The following FMN1 variants were observed in gnomAD, a reference collection of about 807,000 sequenced individuals.
FMN1 encodes formin-1.
In FMN1, 110 loss-of-function variants were observed where a neutral mutation model predicts 132.4. The observed-to-expected ratio is 0.83, with a 90% confidence interval of 0.71 to 0.97. The LOEUF is 0.97. Ranked by LOEUF, FMN1 falls within the 50% of genes least tolerant of loss-of-function variation. The pLI is 0.00. For synonymous variants in FMN1, 722 were observed against 651.7 expected (o/e 1.11, Z -1.64); for missense variants, 1,792 against 1,705.3 (o/e 1.05, Z -0.90).
intron 8 of FMN1, among the ~76,000 whole-genome samples, chr15:32,965,341 G>A (rs947651733): frequency 8.6e-5 from 13 of 151,934 alleles, no homozygotes; most frequent in African/African-American, 2.9e-4. Flanking sequence ...CAGAGGTTGC[G>A]ATGAACTGAG....
chr15:32,998,952 T>C (rs950797659), intron 7 of FMN1, among the ~76,000 whole-genome samples: 1 of 152,200 alleles, frequency 6.6e-6, no homozygotes, highest in Non-Finnish European at 1.5e-5. Flanking sequence ...CAAGTCCAAA[T>C]GTACCTACCG....
chr15:33,172,005 T>G (rs907481649), intron 3 of FMN1, among the ~76,000 whole-genome samples: 4 of 151,874 alleles, frequency 2.6e-5, no homozygotes, highest in Non-Finnish European at 5.9e-5. Context: ...GTCAGGAGAT[T>G]GAGATCATCC....
At chr15:33,144,992 A>G (rs942560412) in intron 4 of FMN1, among the ~76,000 whole-genome samples, 3 of 152,212 alleles carry the variant, frequency 2.0e-5, no homozygotes, top group African/African-American at 4.8e-5. Flanking sequence ...GAAATTTGAC[A>G]TAATTCCTTC....
chr15:32,790,598 G>A (rs1376109385), intron 19 of FMN1, among the ~76,000 whole-genome samples: 9 of 152,178 alleles, frequency 5.9e-5, no homozygotes, highest in Admixed American at 5.9e-4. Context: ...GATCTGCCAG[G>A]TTTGGGAGCT....
chr15:33,074,496 C>CT (rs1318200148), intron 5 of FMN1, among the ~76,000 whole-genome samples: 2 of 152,262 alleles, frequency 1.3e-5, no homozygotes, highest in African/African-American at 2.4e-5. Flanking sequence ...TGATTAAGGG[C>CT]TTTTTTCTCT....
In FMN1 at chr15:33,019,895, G is replaced by A. The variant is rs532167663; in HGVS notation, c.2162-11820C>T. ...CCGCAAGCGGAGGGAGCCGGCTCCGGCCTCAGCCAGCCCAGAGAAGGGCTC... is the reference window on the plus strand; with the variant it reads ...CCGCAAGCGGAGGGAGCCGGCTCCGACCTCAGCCAGCCCAGAGAAGGGCTC... On this transcript the variant is annotated intron_variant, in intron 6 of 20. Coordinates refer to ENST00000616417, the MANE Select transcript of FMN1 (RefSeq NM_001277313.2). 1.6e-3 allele frequency among the ~76,000 whole-genome samples: 240 copies of A among 152,314 alleles called. 1 individual carries two copies. Among genetic ancestry groups the A allele is most frequent in the African/African-American group, 5.6e-3 (234 of 41,588 alleles).
intron 4 of FMN1, among the ~76,000 whole-genome samples, chr15:33,130,645 C>T (rs1390113588): frequency 1.3e-5 from 2 of 152,104 alleles, no homozygotes; most frequent in African/African-American, 4.8e-5. Context: ...GTGATAATTT[C>T]AGAGTTTTAG....
chr15:33,171,044 C>A (rs1431768847), intron 3 of FMN1, among the ~76,000 whole-genome samples: 4 of 152,016 alleles, frequency 2.6e-5, no homozygotes, highest in South Asian at 2.1e-4. Context: ...TACTATCTGG[C>A]CATAAAAATA....
intron 16 of FMN1, among the ~76,000 whole-genome samples, chr15:32,876,181 C>T (rs2059632441): frequency 6.6e-6 from 1 of 152,222 alleles, no homozygotes; most frequent in African/African-American, 2.4e-5. Context: ...TGATCAAAAG[C>T]ACTTGTGTTG....
chr15:33,013,056 CAGA>C (rs1448167132), intron 6 of FMN1: 11 of 400,648 alleles, frequency 2.7e-5, no homozygotes, highest in Admixed American at 1.8e-4. Flanking sequence ...ATGGCACTGG[CAGA>C]AGATTTTAAT....
intron 15 of FMN1, among the ~76,000 whole-genome samples, chr15:32,894,315 T>C (rs190062154): frequency 2.4e-4 from 36 of 151,928 alleles, no homozygotes; most frequent in African/African-American, 6.8e-4. Context: ...TGAAACCCCG[T>C]TTCTGCTAAA....
At chr15:33,112,859 T>C (rs781315871) in intron 4 of FMN1, among the ~76,000 whole-genome samples, 41 of 152,184 alleles carry the variant, frequency 2.7e-4, no homozygotes, top group Admixed American at 1.7e-3. Context: ...TGTCAAGGCC[T>C]ACACAGCTAC....
intron 7 of FMN1, among the ~76,000 whole-genome samples, chr15:33,007,376 T>C (rs2034475964): frequency 6.6e-6 from 1 of 152,154 alleles, no homozygotes; most frequent in Non-Finnish European, 1.5e-5. Context: ...AGTATCCAGT[T>C]ATTTGAAGTT....
intron 7 of FMN1, among the ~76,000 whole-genome samples, chr15:32,984,978 C>CAAAAAAAAAAAAAAAAAAAA (rs11330959): frequency 6.7e-4 from 65 of 97,240 alleles, no homozygotes; most frequent in African/African-American, 1.3e-3. Context: ...CATCCATCAC[C>CAAAAAAAAAAAAAAAAAAAA]AAAAAAAAAA....
At chr15:32,847,386 C>T (rs75615839) in intron 17 of FMN1, among the ~76,000 whole-genome samples, 31 of 152,270 alleles carry the variant, frequency 2.0e-4, no homozygotes, top group African/African-American at 7.2e-4. Context: ...CCTCCAAACC[C>T]AACCACTACC....
intron 7 of FMN1, among the ~76,000 whole-genome samples, chr15:32,977,296 C>T (rs1206790047): frequency 6.6e-6 from 1 of 152,162 alleles, no homozygotes; most frequent in Non-Finnish European, 1.5e-5. Context: ...CACTGATCCT[C>T]AATGATTAAT....
At chr15:33,017,802 C>T (rs2035148204) in intron 6 of FMN1, among the ~76,000 whole-genome samples, 2 of 152,136 alleles carry the variant, frequency 1.3e-5, no homozygotes, top group Admixed American at 1.3e-4. Flanking sequence ...CAGTGGCTCA[C>T]GCCCGTAATC....
intron 17 of FMN1, among the ~76,000 whole-genome samples, chr15:32,825,775 G>C (rs1268014954): frequency 6.6e-6 from 1 of 152,130 alleles, no homozygotes; most frequent in Non-Finnish European, 1.5e-5. Context: ...ACAGTTGTCT[G>C]TTTAGGATTG....
At chr15:33,001,543 C>A (rs918957501) in intron 7 of FMN1, among the ~76,000 whole-genome samples, 10 of 148,590 alleles carry the variant, frequency 6.7e-5, no homozygotes, top group African/African-American at 1.7e-4. Context: ...TGCGTCCCCC[C>A]TCATCCTCCT....
Sources: allele counts gnomAD v4.1 joint callset (sites outside exome capture counted in the v4.1 genomes callset), GRCh38; gene constraint gnomAD v4.1.1; transcripts MANE v1.5; gene names NCBI Gene and HGNC (gene_info 2026-07-23, HGNC 2026-07-21).